The following TM4SF20 variants were observed in gnomAD, a reference collection of about 807,000 sequenced individuals.
TM4SF20 encodes transmembrane 4 L6 family member 20.
Under a neutral mutation model 15.1 loss-of-function variants are expected in TM4SF20, and 13 were observed. The ratio of observed to expected loss-of-function variants is 0.86; its 90% CI spans 0.56 to 1.36. The LOEUF (loss-of-function observed/expected upper bound fraction) is 1.36, where lower values mean the gene tolerates loss of function less well. TM4SF20 is among the 40% of genes most tolerant of loss of function. TM4SF20 has a pLI of 0.00. For synonymous variants in TM4SF20, 92 were observed against 96.6 expected (o/e 0.95, Z 0.28); for missense variants, 282 against 268.4 (o/e 1.05, Z -0.35).
At chr2:227,379,929 T>C (rs1029222409), upstream of TM4SF20, among the ~76,000 whole-genome samples, 1 of 152,252 alleles carries the variant, frequency 6.6e-6, no homozygotes, top group Non-Finnish European at 1.5e-5. Context: ...AACACTTACT[T>C]GGCCATGTGC....
At chr2:227,366,268 T>C (rs779967548) in intron 2 of TM4SF20, 24 bp from the exon 3 acceptor site, 1 of 1,605,570 alleles carries the variant, frequency 6.2e-7, no homozygotes, top group Non-Finnish European at 8.5e-7. Flanking sequence ...TAGAGCCATT[T>C]GCACATGTTA....
At chr2:227,364,375 C>T (rs752627297) in intron 3 of TM4SF20, among the ~76,000 whole-genome samples, 4 of 146,904 alleles carry the variant, frequency 2.7e-5, no homozygotes, top group Admixed American at 1.3e-4. Flanking sequence ...AACTAAGGAG[C>T]CTCCCCTACC....
intron 2 of TM4SF20, 28 bp from the exon 3 acceptor site, chr2:227,366,272 C>G: frequency 6.3e-7 from 1 of 1,594,094 alleles, no homozygotes; most frequent in Non-Finnish European, 8.6e-7. Flanking sequence ...GCCATTTGCA[C>G]ATGTTATGAC....
chr2:227,369,768 A>G (rs74522771), intron 2 of TM4SF20, among the ~76,000 whole-genome samples: 17,792 of 152,104 alleles, frequency 0.12, 1,153 homozygotes, highest in Non-Finnish European at 0.15. Flanking sequence ...AAGCTCAGCC[A>G]AGCAGATTTA....
intron 2 of TM4SF20, among the ~76,000 whole-genome samples, chr2:227,367,073 G>A (rs1004728168): frequency 1.3e-5 from 2 of 152,076 alleles, no homozygotes; most frequent in African/African-American, 2.4e-5. Context: ...TGCACACTTC[G>A]CTGTGGGGCC....
intron 3 of TM4SF20, among the ~76,000 whole-genome samples, chr2:227,365,233 CA>C (rs1298430862): frequency 6.6e-6 from 1 of 152,144 alleles, no homozygotes; most frequent in Non-Finnish European, 1.5e-5. Context: ...TGGTTCAAAA[CA>C]AATATGCTAC....
chr2:227,373,030 A>G (rs968234938), intron 1 of TM4SF20, among the ~76,000 whole-genome samples: 1 of 152,050 alleles, frequency 6.6e-6, no homozygotes, highest in African/African-American at 2.4e-5. Context: ...CTTAATCCCT[A>G]TTCCACACTG....
intron 2 of TM4SF20, among the ~76,000 whole-genome samples, chr2:227,368,759 G>A (rs1171386592): frequency 6.6e-6 from 1 of 152,232 alleles, no homozygotes; most frequent in Non-Finnish European, 1.5e-5. Context: ...TCACTTAAAT[G>A]ATTCAGCAAA....
At chr2:227,380,012 A>G (rs1336699655), upstream of TM4SF20, among the ~76,000 whole-genome samples, 3 of 152,246 alleles carry the variant, frequency 2.0e-5, no homozygotes, top group Admixed American at 2.0e-4. Context: ...AGAAAAGACT[A>G]TCAGTTGGCA....
chr2:227,366,033 A>T, intron 3 of TM4SF20, 60 bp downstream of exon 3: 5 of 1,527,270 alleles, frequency 3.3e-6, no homozygotes, highest in Non-Finnish European at 4.4e-6. Flanking sequence ...TACTGCATTA[A>T]TCTAATCAAA....
At position 227,366,716 on chromosome 2, in the gene TM4SF20, CAAAAAAAAAAAAAAAAAAAAAA is replaced by C. The variant is rs59401554; in HGVS notation, c.250-494_250-473del. Among the ~76,000 whole-genome samples the C allele has an allele frequency of 5.1e-4, 35 of 68,222 alleles. No homozygotes were observed. In the East Asian group the frequency reaches 9.2e-3, roughly 18 times the overall value. The allele number at this position is 68,222 out of a possible 152,430, so 44.8% of individuals were successfully genotyped here. The stretch of plus-strand genomic sequence containing the variant: ...GCTGGGTGACAGAGCAAGACTCTGT[CAAAAAAAAAAAAAAAAAAAAAA>C]AAAAAAAAAAAAAAAAAAGATGGTT... On this transcript the variant is annotated intron_variant, in intron 2 of 3. Transcript: ENST00000304568.
At chr2:227,380,149 C>T (rs1224167841), upstream of TM4SF20, among the ~76,000 whole-genome samples, 1 of 152,138 alleles carries the variant, frequency 6.6e-6, no homozygotes, top group East Asian at 1.9e-4. Context: ...GCCAACATGG[C>T]AAAACCCTCA....
chr2:227,379,232 ATCCATTGCAGGATG>A lies in TM4SF20; in HGVS notation c.23_36del (p.Thr8IlefsTer24), dbSNP rs1413598104. 3 of 1,614,098 alleles carry A rather than the reference ATCCATTGCAGGATG, an allele frequency of 1.9e-6. No individual in the cohort carries two copies. The African/African-American group carries it at 4.0e-5, about 22-fold the overall frequency. ...AACAGCAGTAGAACCAGCAGGCTGAATCCATTGCAGGATGTCCATCCTTCGCAGCAGGTCATGGT... is the reference window on the plus strand; with the variant it reads ...AACAGCAGTAGAACCAGCAGGCTGAATCCATCCTTCGCAGCAGGTCATGGT... On this transcript the variant is annotated frameshift_variant, in exon 1 of 4. Transcript: ENST00000304568. LOFTEE classifies it high-confidence loss of function.
At chr2:227,373,856 G>A (rs1236079549) in intron 1 of TM4SF20, among the ~76,000 whole-genome samples, 1 of 150,090 alleles carries the variant, frequency 6.7e-6, no homozygotes, top group East Asian at 1.9e-4. Flanking sequence ...TTGAACGCGG[G>A]AGGCAGAGGT....
chr2:227,368,355 A>ATATATATATAT (rs397988096), intron 2 of TM4SF20, among the ~76,000 whole-genome samples: 9 of 132,014 alleles, frequency 6.8e-5, no homozygotes, highest in African/African-American at 8.7e-5. Flanking sequence ...ATATATATAT[A>ATATATATATAT]ATTTTTTGTT....
Position 227,379,211 on chromosome 2 carries a change from G to T in TM4SF20, c.58C>A (p.Leu20Met). ...CNGFSLLVLL[L>M]LGVVLNAIPL... ...ATCGCATTGAGAACTACTCCTAACA[G>T]CAGTAGAACCAGCAGGCTGAATCCA... The change falls in exon 1 of 4, where the codon CTG (leucine) becomes ATG (methionine). Residue 20 changes from leucine (L) to methionine (M), a missense_variant. Leu to Met is a conservative substitution (Grantham distance 15, BLOSUM62 2). Coordinates refer to ENST00000304568, the MANE Select transcript of TM4SF20 (RefSeq NM_024795.4). 1.9e-6 allele frequency: 3 copies of T among 1,614,198 alleles called. No individual in the cohort carries two copies. The highest frequency in any genetic ancestry group is 2.7e-5 in the African/African-American group (2 of 75,048).
chr2:227,371,619 C>T (rs527348433), intron 1 of TM4SF20, among the ~76,000 whole-genome samples: 8 of 152,316 alleles, frequency 5.3e-5, no homozygotes, highest in African/African-American at 9.6e-5. Flanking sequence ...TGAGCCATTA[C>T]GCCTGGCCCG....
intron 1 of TM4SF20, among the ~76,000 whole-genome samples, chr2:227,373,872 T>A (rs1241535624): frequency 1.4e-5 from 2 of 140,528 alleles, no homozygotes; most frequent in African/African-American, 5.5e-5. Context: ...GAGGTTGCAG[T>A]GAGCCGAGAT....
Position 227,366,029 on chromosome 2 carries a change from A to AC in TM4SF20, c.401+63_401+64insG, listed in dbSNP as rs375119672. Reference sequence around the variant, plus strand: ...AAACATGGCATTGTTCCAGTACTGCATTAATCTAATCAAACTAGTTCAACT... The same window carrying AC: ...AAACATGGCATTGTTCCAGTACTGCACTTAATCTAATCAAACTAGTTCAACT... On this transcript the variant is annotated intron_variant, in intron 3 of 3. Transcript: ENST00000304568. 18 of 1,510,950 alleles carry AC rather than the reference A, an allele frequency of 1.2e-5. No individual in the cohort carries two copies. In the African/African-American group the frequency reaches 2.5e-4, roughly 21 times the overall value. 93.6% of individuals were successfully genotyped at this position (1,510,950 alleles called of 1,614,324 possible). A position where few individuals can be genotyped will look rare whatever the true frequency, so the allele number is the denominator to read the frequency against.
Sources: gnomAD v4.1 joint callset for allele counts (sites outside exome capture counted in the v4.1 genomes callset) on GRCh38, gnomAD v4.1.1 for gene constraint, MANE v1.5 for transcripts, NCBI Gene and HGNC (gene_info 2026-07-23, HGNC 2026-07-21) for gene names.